OPCML: variants seen among roughly 807,000 people sequenced by gnomAD.
OPCML encodes opioid binding protein/cell adhesion molecule like, also known as opioid-binding protein/cell adhesion molecule.
In OPCML, 13 loss-of-function variants were observed where a neutral mutation model predicts 37.8. That is an observed-to-expected ratio of 0.34 (90% CI 0.22 to 0.55). The LOEUF (loss-of-function observed/expected upper bound fraction) is 0.55, where lower values mean the gene tolerates loss of function less well. Ranked by LOEUF, OPCML falls within the 20% of genes least tolerant of loss-of-function variation. OPCML has a pLI of 0.91. For missense variants in OPCML, 341 were observed against 435.6 expected (o/e 0.78, Z 1.93); for synonymous variants, 176 against 168.8 (o/e 1.04, Z -0.33).
intron 1 of OPCML, among the ~76,000 whole-genome samples, chr11:133,055,651 A>G (rs1257896828): frequency 6.7e-6 from 1 of 149,222 alleles, no homozygotes. Flanking sequence ...TCCATGAGGG[A>G]GCCGCCTCTA....
At chr11:133,321,538 A>G (rs780139563) in intron 1 of OPCML, among the ~76,000 whole-genome samples, 10 of 151,912 alleles carry the variant, frequency 6.6e-5, no homozygotes, top group Non-Finnish European at 1.2e-4. Context: ...GGTGGGTGGG[A>G]TTTCGCCTTT....
Position 132,436,068 on chromosome 11 carries a change from C to T in OPCML, c.916+18G>A, listed in dbSNP as rs1384078624. On this transcript the variant is annotated intron_variant, in intron 7 of 7. Transcript: ENST00000524381. ...CCCATGTGGCTGAGCCCACTGCATCCAGGCTTCCAGCACTCACCATACAAT... is the reference window on the plus strand; with the variant it reads ...CCCATGTGGCTGAGCCCACTGCATCTAGGCTTCCAGCACTCACCATACAAT... 1 of 1,606,020 alleles carries T rather than the reference C, an allele frequency of 6.2e-7. No homozygotes were observed. Among genetic ancestry groups the T allele is most frequent in the African/African-American group, 1.3e-5 (1 of 74,604 alleles).
intron 1 of OPCML, among the ~76,000 whole-genome samples, chr11:133,389,219 C>T (rs1315259470): frequency 6.6e-6 from 1 of 152,206 alleles, no homozygotes; most frequent in Non-Finnish European, 1.5e-5. Flanking sequence ...AATCTTGTAA[C>T]CCATCTAAAT....
At chr11:132,679,323 G>A (rs1299127387) in intron 2 of OPCML, among the ~76,000 whole-genome samples, 8 of 152,072 alleles carry the variant, frequency 5.3e-5, no homozygotes, top group Non-Finnish European at 8.8e-5. Flanking sequence ...ATTCATTATA[G>A]ACAAAAAGGA....
At chr11:133,273,196 C>T (rs4539329) in intron 1 of OPCML, among the ~76,000 whole-genome samples, 37,428 of 152,036 alleles carry the variant, frequency 0.25, 5,653 homozygotes, top group East Asian at 0.73. Flanking sequence ...CACATTCAAA[C>T]CAGCACCTTC....
At chr11:133,324,506 G>C (rs949042278) in intron 1 of OPCML, among the ~76,000 whole-genome samples, 1 of 152,152 alleles carries the variant, frequency 6.6e-6, no homozygotes, top group Admixed American at 6.5e-5. Context: ...AGGAAAAAAC[G>C]GAATTCTGGG....
intron 1 of OPCML, among the ~76,000 whole-genome samples, chr11:133,193,201 C>A (rs1438735301): frequency 6.6e-6 from 1 of 152,100 alleles, no homozygotes; most frequent in Non-Finnish European, 1.5e-5. Flanking sequence ...AATCCTGGAT[C>A]TGTACATTCC....
At chr11:132,475,710 GTTGT>G (rs984558113) in intron 4 of OPCML, among the ~76,000 whole-genome samples, 3 of 152,104 alleles carry the variant, frequency 2.0e-5, no homozygotes, top group African/African-American at 7.2e-5. Context: ...AAATATTTCT[GTTGT>G]TTAAGCTACC....
intron 1 of OPCML, among the ~76,000 whole-genome samples, chr11:133,093,773 C>CT (rs1321889266): frequency 1.7e-5 from 2 of 119,690 alleles, no homozygotes; most frequent in South Asian, 2.8e-4. Flanking sequence ...GCAATCTGTA[C>CT]TTATTTTTTT....
At chr11:132,447,063 G>A (rs2096057260) in intron 4 of OPCML, among the ~76,000 whole-genome samples, 1 of 152,170 alleles carries the variant, frequency 6.6e-6, no homozygotes, top group Admixed American at 6.5e-5. Context: ...CCAGCAGATG[G>A]GCAGTATACA....
At chr11:133,433,215 G>T (rs1224557975) in intron 1 of OPCML, among the ~76,000 whole-genome samples, 8 of 138,984 alleles carry the variant, frequency 5.8e-5, no homozygotes, top group African/African-American at 2.1e-4. Context: ...TCCCGCCACT[G>T]CACTCCAGCC....
At chr11:133,329,766 A>T (rs1943573057) in intron 1 of OPCML, among the ~76,000 whole-genome samples, 1 of 152,242 alleles carries the variant, frequency 6.6e-6, no homozygotes, top group Non-Finnish European at 1.5e-5. Flanking sequence ...ACCATTCAGG[A>T]CATAGGCATG....
At chr11:133,017,679 G>A (rs979252498) in intron 1 of OPCML, among the ~76,000 whole-genome samples, 4 of 152,170 alleles carry the variant, frequency 2.6e-5, no homozygotes, top group African/African-American at 9.7e-5. Context: ...ATGAGCCACT[G>A]CGCCTGGCTT....
At chr11:133,017,817 TAC>T (rs1204649374) in intron 1 of OPCML, among the ~76,000 whole-genome samples, 1 of 152,224 alleles carries the variant, frequency 6.6e-6, no homozygotes, top group African/African-American at 2.4e-5. Context: ...AATAGTAACA[TAC>T]ACACTCTAGG....
At position 133,047,909 on chromosome 11, in the gene OPCML, G is replaced by A. The variant is rs146108946; in HGVS notation, c.62-104899C>T. 7.9e-5 allele frequency among the ~76,000 whole-genome samples: 12 copies of A among 152,242 alleles called. 1 individual carries two copies. In the East Asian group the frequency reaches 1.2e-3, roughly 15 times the overall value. ...GCCAGGCTTCCTCTGAGAGCCAGAC[G>A]CCCTCCATTTCTATCTGGCACATGC... On this transcript the variant is annotated intron_variant, in intron 1 of 7. Transcript: ENST00000524381.
At chr11:132,857,676 C>A (rs1001938616) in intron 2 of OPCML, among the ~76,000 whole-genome samples, 1 of 152,124 alleles carries the variant, frequency 6.6e-6, no homozygotes, top group African/African-American at 2.4e-5. Context: ...AAAGCAATGT[C>A]ATTCTTCTCA....
chr11:133,008,039 G>T (rs1947145448), intron 1 of OPCML: 1 of 985,316 alleles, frequency 1.0e-6, no homozygotes, highest in Non-Finnish European at 1.2e-6. Flanking sequence ...CTGTCTCATT[G>T]TTGAGATCTT....
chr11:133,491,481 C>T (rs964807489), intron 1 of OPCML, among the ~76,000 whole-genome samples: 3 of 152,174 alleles, frequency 2.0e-5, no homozygotes, highest in African/African-American at 7.2e-5. Flanking sequence ...TTGGCTCCTG[C>T]TCATAAACAA....
At chr11:133,091,439 G>A (rs780381571) in intron 1 of OPCML, among the ~76,000 whole-genome samples, 6 of 152,268 alleles carry the variant, frequency 3.9e-5, no homozygotes, top group Non-Finnish European at 7.4e-5. Flanking sequence ...TCACAGTCAC[G>A]CACCTCTTCA....
Sources: allele counts gnomAD v4.1 joint callset (sites outside exome capture counted in the v4.1 genomes callset), GRCh38; gene constraint gnomAD v4.1.1; transcripts MANE v1.5; gene names NCBI Gene and HGNC (gene_info 2026-07-23, HGNC 2026-07-21).